Variants in IQCM observed in about 807,000 individuals in gnomAD.
The protein encoded by IQCM is IQ motif containing M.
IQCM carries 45 observed loss-of-function variants against 57.6 expected under a neutral mutation model. That is an observed-to-expected ratio of 0.78 (90% CI 0.62 to 1.00). The LOEUF (loss-of-function observed/expected upper bound fraction) is 1.00. Ranked by LOEUF, IQCM falls within the 50% of genes least tolerant of loss-of-function variation. The probability of loss-of-function intolerance (pLI) is 0.00; values close to 1 mark genes in which losing one functional copy is unlikely to be tolerated. For synonymous variants in IQCM, 148 were observed against 158.9 expected (o/e 0.93, Z 0.51); for missense variants, 468 against 511.6 (o/e 0.91, Z 0.82).
At chr4:149,671,916 G>C (rs1761323674) in intron 7 of IQCM, among the ~76,000 whole-genome samples, 1 of 152,124 alleles carries the variant, frequency 6.6e-6, no homozygotes, top group African/African-American at 2.4e-5. Context: ...GCCTCTCTGA[G>C]ACGAAGCTTC....
intron 13 of IQCM, among the ~76,000 whole-genome samples, chr4:149,355,735 T>G (rs575902788): frequency 6.6e-6 from 1 of 152,126 alleles, no homozygotes; most frequent in Non-Finnish European, 1.5e-5. Context: ...GCAGCATGAT[T>G]TATAATCCTT....
At chr4:149,692,651 G>A (rs1014721879) in intron 5 of IQCM, among the ~76,000 whole-genome samples, 3 of 152,036 alleles carry the variant, frequency 2.0e-5, no homozygotes, top group Non-Finnish European at 2.9e-5. Context: ...AGAGTTAAAG[G>A]AGATCTCTAA....
chr4:149,539,790 A>C (rs1249789590), intron 12 of IQCM, among the ~76,000 whole-genome samples: 1 of 152,076 alleles, frequency 6.6e-6, no homozygotes, highest in Non-Finnish European at 1.5e-5. Flanking sequence ...TCTTGAAACC[A>C]GGAGGTGGGG....
intron 12 of IQCM, among the ~76,000 whole-genome samples, chr4:149,458,705 C>T (rs1336254907): frequency 1.3e-5 from 2 of 151,898 alleles, no homozygotes; most frequent in Admixed American, 6.6e-5. Flanking sequence ...TTGTCTTAAA[C>T]GTTCTAAAAG....
chr4:149,468,636 C>A (rs184417316), intron 12 of IQCM, among the ~76,000 whole-genome samples: 2 of 152,240 alleles, frequency 1.3e-5, no homozygotes, highest in African/African-American at 2.4e-5. Flanking sequence ...GTGGTTCTCC[C>A]AGCATGGAGT....
At chr4:149,554,338 T>C (rs1482455420) in intron 10 of IQCM, among the ~76,000 whole-genome samples, 1 of 152,072 alleles carries the variant, frequency 6.6e-6, no homozygotes, top group Non-Finnish European at 1.5e-5. Context: ...TAATTTAGTG[T>C]TTTCATCCTT....
At chr4:149,660,541 A>C (rs1441828073) in intron 7 of IQCM, among the ~76,000 whole-genome samples, 1 of 152,234 alleles carries the variant, frequency 6.6e-6, no homozygotes, top group East Asian at 1.9e-4. Context: ...ATGTATGTTT[A>C]TTGCAGCACT....
At chr4:149,454,147 G>GATAT (rs34730850) in intron 12 of IQCM, among the ~76,000 whole-genome samples, 5,220 of 127,064 alleles carry the variant, frequency 0.041, 124 homozygotes, top group South Asian at 0.052. Flanking sequence ...AAGAAAATGT[G>GATAT]ATATATATAT....
chr4:149,695,296 C>A (rs910012160), intron 5 of IQCM, among the ~76,000 whole-genome samples: 1 of 152,082 alleles, frequency 6.6e-6, no homozygotes, highest in African/African-American at 2.4e-5. Context: ...CAAAAAAGAA[C>A]CCAGAGATTA....
intron 12 of IQCM, among the ~76,000 whole-genome samples, chr4:149,458,763 G>T (rs996707467): frequency 6.6e-6 from 1 of 152,042 alleles, no homozygotes; most frequent in Non-Finnish European, 1.5e-5. Flanking sequence ...TCTCCATGTG[G>T]TGAGGAATAG....
In IQCM at chr4:149,430,479, T is replaced by G. The variant is rs189566399; in HGVS notation, c.1390+2917A>C. Among the ~76,000 whole-genome samples, 34 of 152,066 alleles carry G rather than the reference T, an allele frequency of 2.2e-4. No individual in the cohort carries two copies. The East Asian group carries it at 4.3e-3, about 19-fold the overall frequency. On this transcript the variant is annotated intron_variant, in intron 13 of 13. Transcript: ENST00000636793. ...TAAACATTTCCATCACTCTCAAATT[T>G]TTTAACCCATCACCTCTCATTTCTA...
At chr4:149,694,504 T>C (rs1165909061) in intron 5 of IQCM, among the ~76,000 whole-genome samples, 1 of 152,074 alleles carries the variant, frequency 6.6e-6, no homozygotes, top group Non-Finnish European at 1.5e-5. Context: ...CCCACTGTTC[T>C]CCTGACCTTC....
intron 7 of IQCM, among the ~76,000 whole-genome samples, chr4:149,626,570 C>T (rs537470856): frequency 3.9e-5 from 6 of 151,904 alleles, no homozygotes; most frequent in Admixed American, 3.3e-4. Context: ...ATCACTGTTG[C>T]ATAACATCTT....
At chr4:149,793,949 C>G (rs1258827559) in intron 2 of IQCM, among the ~76,000 whole-genome samples, 1 of 152,276 alleles carries the variant, frequency 6.6e-6, no homozygotes, top group Non-Finnish European at 1.5e-5. Context: ...AAACAGAATG[C>G]AATAGCAAAA....
intron 12 of IQCM, among the ~76,000 whole-genome samples, chr4:149,444,488 C>A (rs2111354757): frequency 6.6e-6 from 1 of 151,820 alleles, no homozygotes; most frequent in Non-Finnish European, 1.5e-5. Context: ...TGGGTTTCTT[C>A]TAAAAGAGCA....
At chr4:149,614,476 T>A (rs1428342603) in intron 8 of IQCM, among the ~76,000 whole-genome samples, 1 of 152,132 alleles carries the variant, frequency 6.6e-6, no homozygotes, top group Non-Finnish European at 1.5e-5. Flanking sequence ...CTGAGATGAA[T>A]CCTGTCTTTC....
intron 12 of IQCM, among the ~76,000 whole-genome samples, chr4:149,526,291 A>G (rs1043390475): frequency 6.6e-6 from 1 of 151,992 alleles, no homozygotes; most frequent in Non-Finnish European, 1.5e-5. Context: ...AGAATGGGGT[A>G]TATTTATATC....
chr4:149,698,958 C>A (rs935239043), intron 5 of IQCM, among the ~76,000 whole-genome samples: 1 of 151,902 alleles, frequency 6.6e-6, no homozygotes, highest in African/African-American at 2.4e-5. Context: ...GTCTTTAGCA[C>A]AAGGCCTGGT....
At chr4:149,752,010 G>A (rs1237882169) in intron 2 of IQCM, among the ~76,000 whole-genome samples, 1 of 152,102 alleles carries the variant, frequency 6.6e-6, no homozygotes, top group Admixed American at 6.6e-5. Flanking sequence ...TGTGGATTCT[G>A]TAAAGAATTA....
Sources: gnomAD v4.1 joint callset for allele counts (sites outside exome capture counted in the v4.1 genomes callset) on GRCh38, gnomAD v4.1.1 for gene constraint, MANE v1.5 for transcripts, NCBI Gene and HGNC (gene_info 2026-07-23, HGNC 2026-07-21) for gene names.